The following PHF2 variants were observed in gnomAD, a reference collection of about 807,000 sequenced individuals.
PHF2 encodes PHD finger protein 2.
A neutral mutation model predicts 120.5 loss-of-function variants in PHF2; 27 were observed. The ratio of observed to expected loss-of-function variants is 0.22; its 90% CI spans 0.17 to 0.31. PHF2 has a LOEUF of 0.31. Ranked by LOEUF, PHF2 falls within the 10% of genes least tolerant of loss-of-function variation. PHF2 has a pLI of 1.00. For missense variants in PHF2, 1,024 were observed against 1,434.8 expected (o/e 0.71, Z 4.63); for synonymous variants, 568 against 592.5 (o/e 0.96, Z 0.60).
At position 93,658,155 on chromosome 9, in the gene PHF2, A is replaced by G. The variant is rs772706549; in HGVS notation, c.1158A>G (p.Lys386=). 6.8e-6 allele frequency: 11 copies of G among 1,612,122 alleles called. No individual in the cohort carries two copies. Among genetic ancestry groups the G allele is most frequent in the Middle Eastern group, 1.7e-4 (1 of 6,056 alleles). ...HLLEAFKGSH[K]SGKQLPPHLV... is the part of the protein sequence containing the mutation. Reference sequence around the variant, plus strand: ...GTGTCTCCTTCCCAGGCTCTCACAAATCTGGGAAGCAGCTGCCCCCTCATC... The same window carrying G: ...GTGTCTCCTTCCCAGGCTCTCACAAGTCTGGGAAGCAGCTGCCCCCTCATC... The change falls in exon 10 of 22, where the codon AAA becomes AAG. Residue 386 remains lysine (K), a synonymous_variant. Transcript: ENST00000359246.
chr9:93,637,918 G>A (rs80228675), intron 3 of PHF2, among the ~76,000 whole-genome samples: 9,211 of 152,204 alleles, frequency 0.061, 389 homozygotes, highest in Non-Finnish European at 0.088. Context: ...TGAGGGTCTC[G>A]ATTTCTTCAC....
chr9:93,621,865 C>G (rs938843728), intron 1 of PHF2, among the ~76,000 whole-genome samples: 2 of 152,170 alleles, frequency 1.3e-5, no homozygotes, highest in African/African-American at 2.4e-5. Flanking sequence ...AGCTCTAACT[C>G]CCATGTGGCC....
At chr9:93,616,742 G>A (rs1370544619) in intron 1 of PHF2, among the ~76,000 whole-genome samples, 2 of 150,922 alleles carry the variant, frequency 1.3e-5, no homozygotes, top group South Asian at 2.1e-4. Flanking sequence ...CGCAACCTCC[G>A]CCTCCTGGGT....
In PHF2 at chr9:93,672,498, A is replaced by G. The variant is rs1229230432; in HGVS notation, c.2349-1087A>G. 3.1e-6 allele frequency: 3 copies of G among 975,088 alleles called. No homozygotes were observed. The African/African-American group carries it at 5.6e-5, about 18-fold the overall frequency. 60.4% of individuals were successfully genotyped at this position (975,088 alleles called of 1,614,324 possible). On this transcript the variant is annotated intron_variant, in intron 17 of 21. Coordinates refer to ENST00000359246, the MANE Select transcript of PHF2 (RefSeq NM_005392.4). ...AGTGTGGGAGTAGGCACAGGTGTAC[A>G]TGCAGGTATGGGTGTAGGTACAGGT...
chr9:93,596,473 A>G (rs1825334617), intron 1 of PHF2, among the ~76,000 whole-genome samples: 1 of 152,096 alleles, frequency 6.6e-6, no homozygotes, highest in African/African-American at 2.4e-5. Flanking sequence ...CCCTTCTTGA[A>G]TATGGTGTGC....
intron 1 of PHF2, among the ~76,000 whole-genome samples, chr9:93,583,826 C>CTTTTTT (rs113746371): frequency 4.0e-4 from 50 of 124,616 alleles, no homozygotes; most frequent in East Asian, 6.9e-4. Context: ...TTTTTCTTTT[C>CTTTTTT]TTTTTTTTTT....
chr9:93,593,112 G>C (rs143706499), intron 1 of PHF2, among the ~76,000 whole-genome samples: 1 of 97,484 alleles, frequency 1.0e-5, no homozygotes, highest in East Asian at 2.8e-4. Flanking sequence ...AAAAAAAAAA[G>C]AAAAAAAAAG....
rs553652798 is a variant in PHF2 at position 93,659,160 on chromosome 9, C to T, written c.1240-351C>T. Among the ~76,000 whole-genome samples, 956 of 152,350 alleles carry T rather than the reference C, an allele frequency of 6.3e-3. 5 individuals carry two copies. Among genetic ancestry groups the T allele is most frequent in the Non-Finnish European group, 0.011 (779 of 68,032 alleles). On this transcript the variant is annotated intron_variant, in intron 10 of 21. Coordinates refer to ENST00000359246, the MANE Select transcript of PHF2 (RefSeq NM_005392.4). The stretch of plus-strand genomic sequence containing the variant: ...AGGGCCATCCTGCAGCCACCACCTC[C>T]GTCAGGCCTCAAGGCCCAGGGCAGT...
Position 93,636,399 on chromosome 9 carries a change from T to C in PHF2, c.185-12T>C. ...GCTGTGTGACCGACCTTGCTTCCGG[T>C]CTCCTCCACAGTAAAGAAGAAGCGG... On this transcript the variant is annotated splice_polypyrimidine_tract_variant and intron_variant, in intron 2 of 21. Transcript: ENST00000359246. 1 of 1,593,612 alleles carries C rather than the reference T, an allele frequency of 6.3e-7. No individual in the cohort carries two copies. The highest frequency in any genetic ancestry group is 8.5e-7 in the Non-Finnish European group (1 of 1,169,612).
At chr9:93,631,567 T>A (rs2001994) in intron 2 of PHF2, among the ~76,000 whole-genome samples, 98,497 of 152,102 alleles carry the variant, frequency 0.65, 32,393 homozygotes, top group African/African-American at 0.69. Flanking sequence ...GGTAGGAAGG[T>A]TCAGCCCAGC....
At chr9:93,582,531 T>C (rs1158667425) in intron 1 of PHF2, among the ~76,000 whole-genome samples, 4 of 152,204 alleles carry the variant, frequency 2.6e-5, no homozygotes, top group African/African-American at 9.6e-5. Flanking sequence ...ACCTTGATTC[T>C]CAGCTTTTTG....
rs1408726541 is a variant in PHF2 at position 93,654,529 on chromosome 9, C to T, written c.906C>T (p.Cys302=). 1 of 1,614,086 alleles carries T rather than the reference C, an allele frequency of 6.2e-7. No homozygotes were observed. Among genetic ancestry groups the T allele is most frequent in the South Asian group, 1.1e-5 (1 of 91,088 alleles). Residue 302 remains cysteine (C), a synonymous_variant, in exon 7 of 22, where the codon TGC becomes TGT. Transcript: ENST00000359246. ...TCTTTGCTGACCAGGTCGACAAATG[C>T]TACAAGTGCATCGTCAAGCAGGGCC... The part of the protein sequence containing the change: ...EMFFADQVDK[C]YKCIVKQGQT...
chr9:93,661,457 G>A (rs561056960), intron 12 of PHF2, among the ~76,000 whole-genome samples: 2 of 152,046 alleles, frequency 1.3e-5, no homozygotes, highest in South Asian at 2.1e-4. Flanking sequence ...ATGAACAGAC[G>A]GATGGATGAA....
At chr9:93,582,874 T>G (rs919533552) in intron 1 of PHF2, among the ~76,000 whole-genome samples, 5 of 152,318 alleles carry the variant, frequency 3.3e-5, no homozygotes, top group African/African-American at 9.6e-5. Context: ...AATGTGCACA[T>G]GGGGAAACGA....
rs1826421697 is a variant in PHF2, at chr9:93,654,400, G to T, written c.790-13G>T. 1.2e-6 allele frequency: 2 copies of T among 1,608,404 alleles called. No homozygotes were observed. The highest frequency in any genetic ancestry group is 2.7e-5 in the African/African-American group (2 of 74,980). On this transcript the variant is annotated splice_polypyrimidine_tract_variant and intron_variant, in intron 6 of 21. Transcript: ENST00000359246. ...CCAGTATGGGCGGCTCTGCCAACAG[G>T]CTCTCTTGGCAGGGGGAGAAGACCT...
chr9:93,610,065 G>T (rs373816761), intron 1 of PHF2, among the ~76,000 whole-genome samples: 2,256 of 94,700 alleles, frequency 0.024, 58 homozygotes, highest in African/African-American at 0.067. Flanking sequence ...ATATGCCTAG[G>T]TGTAGATTTT....
At chr9:93,593,083 CCAAA>C (rs1825259345) in intron 1 of PHF2, among the ~76,000 whole-genome samples, 1 of 20,934 alleles carries the variant, frequency 4.8e-5, no homozygotes, top group African/African-American at 1.8e-4. Flanking sequence ...GTCCTTTATG[CCAAA>C]AAAAAAAAAA....
Position 93,656,465 on chromosome 9 carries a change from G to T in PHF2, c.1041-24G>T, listed in dbSNP as rs775499720. The T allele has an allele frequency of 1.9e-6, 3 of 1,541,856 alleles. No individual in the cohort carries two copies. The highest frequency in any genetic ancestry group is 3.3e-5 in the Admixed American group (2 of 59,890). ...GCCTGCTTGATGGTCAGTGCACTGA[G>T]AACTGCTCTTTGGTGGCTTCTAGAG... On this transcript the variant is annotated intron_variant, in intron 8 of 21. Coordinates refer to ENST00000359246, the MANE Select transcript of PHF2 (RefSeq NM_005392.4). This position sits in a 1 kb window ranked among gnomAD's most constrained non-coding sequence, Gnocchi z 4.1.
At chr9:93,646,600 C>G (rs1018048545) in intron 4 of PHF2, among the ~76,000 whole-genome samples, 1 of 152,202 alleles carries the variant, frequency 6.6e-6, no homozygotes, top group African/African-American at 2.4e-5. Context: ...GAGGCTCACT[C>G]TCTTCCTCTG....
Sources: allele counts gnomAD v4.1 joint callset (sites outside exome capture counted in the v4.1 genomes callset), GRCh38; gene constraint gnomAD v4.1.1; non-coding constraint Gnocchi (gnomAD v3.1); transcripts MANE v1.5; gene names NCBI Gene and HGNC (gene_info 2026-07-23, HGNC 2026-07-21).